The following TCF12 variants were observed in gnomAD, a reference collection of about 807,000 sequenced individuals.
TCF12 encodes DNA-binding protein HTF4.
Under a neutral mutation model 86.0 loss-of-function variants are expected in TCF12, and 45 were observed. The ratio of observed to expected loss-of-function variants is 0.52; its 90% confidence interval spans 0.41 to 0.67. The LOEUF (loss-of-function observed/expected upper bound fraction) is 0.67. TCF12 is among the 30% of genes least tolerant of loss of function. TCF12 has a pLI of 0.00. For missense variants in TCF12, 881 were observed against 859.9 expected, an observed-to-expected ratio of 1.02 and a Z score of -0.31; for synonymous variants, 330 against 299.6, an observed-to-expected ratio of 1.10 and a Z score of -1.05.
In TCF12 at chr15:57,208,380, C is replaced by CTTTTTTTTTTTTTTTT. The variant is rs1184422578; in HGVS notation, c.579+10559_579+10574dup. 2.9e-4 allele frequency among the ~76,000 whole-genome samples: 19 copies of CTTTTTTTTTTTTTTTT among 65,590 alleles called. 2 individuals carry two copies. The highest frequency in any genetic ancestry group is 9.4e-4 in the African/African-American group (14 of 14,846). 43.0% of individuals were successfully genotyped at this position (65,590 alleles called of 152,430 possible). A position where few individuals can be genotyped will look rare whatever the true frequency, so the allele number is the denominator to read the frequency against. On this transcript the variant is annotated intron_variant, in intron 8 of 20. Transcript: ENST00000333725. The stretch of plus-strand genomic sequence containing the variant: ...ACCTTGTTCTTTGGACAAAAATATC[C>CTTTTTTTTTTTTTTTT]TTTTTTTTTTTTTTTTTTTGGAGAC...
chr15:57,223,643 G>GTTTTTTTTTTT (rs550493641), intron 8 of TCF12, among the ~76,000 whole-genome samples: 7,216 of 69,412 alleles, frequency 0.1, 1,775 homozygotes, highest in Non-Finnish European at 0.16. Flanking sequence ...TACCAATGAG[G>GTTTTTTTTTTT]TTTTTTTTTT....
intron 19 of TCF12, among the ~76,000 whole-genome samples, chr15:57,277,232 A>G (rs952837156): frequency 2.0e-5 from 3 of 151,850 alleles, no homozygotes; most frequent in East Asian, 1.9e-4. Flanking sequence ...TGTTGAGTCA[A>G]GAGAATCACT....
intron 6 of TCF12, among the ~76,000 whole-genome samples, chr15:57,175,352 TG>T: frequency 6.6e-6 from 1 of 152,230 alleles, no homozygotes; most frequent in Non-Finnish European, 1.5e-5. Flanking sequence ...AGCGAGATCT[TG>T]TGTCTTAAAA....
chr15:57,235,493 G>T (rs1210691266), intron 12 of TCF12, among the ~76,000 whole-genome samples: 2 of 152,202 alleles, frequency 1.3e-5, no homozygotes, highest in African/African-American at 4.8e-5. Flanking sequence ...CATACATCCA[G>T]AAAGTGCGGT....
At chr15:57,060,106 A>G (rs1407333103) in intron 3 of TCF12, among the ~76,000 whole-genome samples, 5 of 152,206 alleles carry the variant, frequency 3.3e-5, no homozygotes, top group African/African-American at 1.2e-4. Flanking sequence ...TAAAAACTTG[A>G]ATTTTACCTT....
intron 6 of TCF12, among the ~76,000 whole-genome samples, chr15:57,170,717 AT>A (rs2055353174): frequency 7.5e-4 from 2 of 2,660 alleles, no homozygotes; most frequent in Non-Finnish European, 1.7e-3. Context: ...TATATAATAT[AT>A]ATATTATATA....
chr15:57,007,755 C>CTTTCTTTCTTTCT (rs774505040), intron 3 of TCF12, among the ~76,000 whole-genome samples: 2 of 83,864 alleles, frequency 2.4e-5, no homozygotes, highest in East Asian at 3.7e-4. Context: ...AATATTTTTC[C>CTTTCTTTCTTTCT]TTCTTTCTTT....
intron 6 of TCF12, among the ~76,000 whole-genome samples, chr15:57,179,494 C>T (rs1175453071): frequency 1.3e-5 from 2 of 152,088 alleles, no homozygotes; most frequent in East Asian, 1.9e-4. Flanking sequence ...CGTGCCATTG[C>T]ACTCCATCCT....
intron 3 of TCF12, among the ~76,000 whole-genome samples, chr15:56,934,907 T>C (rs1393019476): frequency 6.6e-6 from 1 of 152,132 alleles, no homozygotes; most frequent in African/African-American, 2.4e-5. Context: ...ATGGAACGAT[T>C]TGACAGTTGC....
At chr15:57,079,869 T>C (rs1242549174) in intron 4 of TCF12, among the ~76,000 whole-genome samples, 1 of 152,150 alleles carries the variant, frequency 6.6e-6, no homozygotes, top group African/African-American at 2.4e-5. Flanking sequence ...TGAAGAGATA[T>C]TTTCTTTAAA....
chr15:57,150,115 C>T lies in TCF12; in HGVS notation c.326-16287C>T, dbSNP rs184619376. 4.1e-3 allele frequency among the ~76,000 whole-genome samples: 619 copies of T among 152,266 alleles called. 7 individuals are homozygous for T. The highest frequency in any genetic ancestry group is 0.014 in the African/African-American group (587 of 41,540). ...GACGAGATAATCAAACGCAGCCTGGCAGTCTTTGTGAGTTGAGAAGACAAA... is the reference window on the plus strand; with the variant it reads ...GACGAGATAATCAAACGCAGCCTGGTAGTCTTTGTGAGTTGAGAAGACAAA... On this transcript the variant is annotated intron_variant, in intron 5 of 20. Transcript: ENST00000333725.
intron 3 of TCF12, among the ~76,000 whole-genome samples, chr15:56,947,263 C>G (rs1297685194): frequency 6.6e-6 from 1 of 152,104 alleles, no homozygotes; most frequent in Non-Finnish European, 1.5e-5. Context: ...ATTTACAACT[C>G]TGGTTGTTTT....
At chr15:57,219,363 C>G in intron 8 of TCF12, 1 of 1,287,426 alleles carries the variant, frequency 7.8e-7, no homozygotes, top group South Asian at 2.9e-5. Context: ...CCTCTGTGCT[C>G]TGTGAGTTGG....
chr15:57,282,317 T>C, intron 19 of TCF12, 128 bp from the exon 20 acceptor site: 1 of 1,095,378 alleles, frequency 9.1e-7, no homozygotes, highest in African/African-American at 1.6e-5. Flanking sequence ...TGTGAGCACA[T>C]TGTTTCTTCT....
At chr15:57,193,418 A>G (rs74339847) in intron 7 of TCF12, among the ~76,000 whole-genome samples, 1,634 of 152,258 alleles carry the variant, frequency 0.011, 36 homozygotes, top group African/African-American at 0.037. Context: ...TTATTTTTTC[A>G]TTAGCTCCCT....
At chr15:57,265,659 T>A (rs2060827418) in intron 18 of TCF12, among the ~76,000 whole-genome samples, 1 of 152,234 alleles carries the variant, frequency 6.6e-6, no homozygotes, top group Admixed American at 6.5e-5. Context: ...TGTAGGGACT[T>A]AACTCTTATT....
intron 8 of TCF12, among the ~76,000 whole-genome samples, chr15:57,230,133 T>C (rs1356295666): frequency 6.6e-6 from 1 of 151,998 alleles, no homozygotes; most frequent in East Asian, 1.9e-4. Context: ...TCTATGCTTA[T>C]GCAAACAAAT....
At chr15:57,193,450 C>G (rs2151718407) in intron 7 of TCF12, among the ~76,000 whole-genome samples, 1 of 152,342 alleles carries the variant, frequency 6.6e-6, no homozygotes, top group East Asian at 1.9e-4. Context: ...TTACACATAG[C>G]CTAACCAGGC....
chr15:57,201,534 C>A (rs975029995), intron 8 of TCF12, among the ~76,000 whole-genome samples: 4 of 151,786 alleles, frequency 2.6e-5, no homozygotes, highest in African/African-American at 7.3e-5. Context: ...CAAGTTGCAA[C>A]CTTTGTAATT....
Sources: allele counts gnomAD v4.1 joint callset (sites outside exome capture counted in the v4.1 genomes callset), GRCh38; gene constraint gnomAD v4.1.1; transcripts MANE v1.5; gene names NCBI Gene and HGNC (gene_info 2026-07-23, HGNC 2026-07-21).